SARDH: variants seen among roughly 807,000 people sequenced by gnomAD.
SARDH encodes the protein sarcosine dehydrogenase, mitochondrial.
In SARDH, 95 loss-of-function variants were observed where a neutral mutation model predicts 109.1. The observed-to-expected ratio is 0.87, with a 90% CI of 0.74 to 1.03. SARDH has a LOEUF of 1.03. Among genes scored for constraint, SARDH ranks in the 50% least tolerant of loss-of-function variants. The probability of loss-of-function intolerance (pLI) is 0.00; values close to 1 mark genes in which losing one functional copy is unlikely to be tolerated. For missense variants in SARDH, 1,267 were observed against 1,287.8 expected, an observed-to-expected ratio of 0.98 and a Z score of 0.25; for synonymous variants, 572 against 534.8, an observed-to-expected ratio of 1.07 and a Z score of -0.96.
chr9:133,670,457 G>A, intron 19 of SARDH, 127 bp downstream of exon 19: 1 of 1,072,188 alleles, frequency 9.3e-7, no homozygotes, highest in Non-Finnish European at 1.3e-6. Flanking sequence ...GGTGCGTTCT[G>A]GAAGAGCATG....
Position 133,718,812 on chromosome 9 carries a change from G to T in SARDH, c.1020+126C>A. The stretch of plus-strand genomic sequence containing the variant: ...TGGCTTTGAGCTTGGTGGGGTCAGG[G>T]GACCGGCCACTTCTCAGGTGTGCCT... On this transcript the variant is annotated intron_variant, in intron 7 of 20. Transcript: ENST00000439388. This position sits in a 1 kb window ranked among gnomAD's most constrained non-coding sequence, Gnocchi z 4.2. 2.4e-6 allele frequency: 2 copies of T among 839,328 alleles called. No individual in the cohort carries two copies. Among genetic ancestry groups the T allele is most frequent in the Non-Finnish European group, 4.2e-6 (2 of 474,016 alleles). The allele number at this position is 839,328 out of a possible 1,614,324, so 52.0% of individuals were successfully genotyped here. A position where few individuals can be genotyped will look rare whatever the true frequency, so the allele number is the denominator to read the frequency against.
chr9:133,670,644 G>A lies in SARDH; in HGVS notation c.2435C>T (p.Ala812Val). 1.3e-6 allele frequency: 2 copies of A among 1,588,426 alleles called. No individual in the cohort carries two copies. The highest frequency in any genetic ancestry group is 1.7e-6 in the Non-Finnish European group (2 of 1,168,098). ...GCCTGCGGCCCGCTGCTGCTCCAGG[G>A]CCTCCCTCCCCAGGAAGGGCACCGG... ...KSPVPFLGREALEQQRAAGLR... is the reference protein window; with the variant it reads ...KSPVPFLGREVLEQQRAAGLR... Residue 812 changes from alanine (A) to valine (V), a missense_variant, in exon 19 of 21, where the codon GCC becomes GTC. Coordinates refer to ENST00000439388, the MANE Select transcript of SARDH (RefSeq NM_001134707.2).
intron 3 of SARDH, 23 bp downstream of exon 3, chr9:133,732,394 CTCCTTG>C: frequency 7.1e-6 from 11 of 1,548,044 alleles, no homozygotes; most frequent in Non-Finnish European, 9.7e-6. Context: ...CCAAGCCCCC[CTCCTTG>C]CCCCCCGCAG....
intron 6 of SARDH, among the ~76,000 whole-genome samples, chr9:133,726,946 G>C (rs1224419317): frequency 6.6e-6 from 1 of 152,178 alleles, no homozygotes; most frequent in Non-Finnish European, 1.5e-5. Context: ...AGTAGGGATG[G>C]TTATGACCCA....
intron 17 of SARDH, among the ~76,000 whole-genome samples, chr9:133,677,276 T>A (rs1830548472): frequency 1.3e-5 from 2 of 150,894 alleles, no homozygotes; most frequent in Admixed American, 6.6e-5. Context: ...GAAACCCACA[T>A]CCTCCAGGGG....
chr9:133,717,263 A>G, intron 8 of SARDH, 63 bp downstream of exon 8: 4 of 1,596,124 alleles, frequency 2.5e-6, no homozygotes, highest in Non-Finnish European at 3.4e-6. Flanking sequence ...GGGCATCACT[A>G]CTAACAGTCA....
intron 14 of SARDH, among the ~76,000 whole-genome samples, chr9:133,695,325 C>T (rs1353540268): frequency 6.6e-6 from 1 of 152,188 alleles, no homozygotes; most frequent in African/African-American, 2.4e-5. Flanking sequence ...CGCCTGTAAT[C>T]CCAGCTACTC....
chr9:133,699,696 G>A (rs983562269), intron 13 of SARDH, among the ~76,000 whole-genome samples: 3 of 152,118 alleles, frequency 2.0e-5, no homozygotes, highest in South Asian at 4.1e-4. Flanking sequence ...CCACCAGGAT[G>A]TCTAGAATCA....
chr9:133,678,459 C>T (rs552750820), intron 17 of SARDH, among the ~76,000 whole-genome samples: 10 of 152,214 alleles, frequency 6.6e-5, no homozygotes, highest in Admixed American at 4.6e-4. Context: ...ACAGTAGAGG[C>T]CCTCTCCCCC....
downstream of SARDH, among the ~76,000 whole-genome samples, chr9:133,660,976 G>A (rs1196441724): frequency 6.6e-6 from 1 of 152,216 alleles, no homozygotes; most frequent in Non-Finnish European, 1.5e-5. Context: ...GCTGAGATGC[G>A]AGGATCACTT....
At chr9:133,663,522 A>G (rs1448629289), downstream of SARDH, 1 of 287,130 alleles carries the variant, frequency 3.5e-6, no homozygotes, top group African/African-American at 2.1e-5. Flanking sequence ...CCGATCAGTC[A>G]AGCCTGGAGT....
rs2510248 is a variant in SARDH, at chr9:133,704,852, G to A, written c.1554+96C>T. 496,720 of 1,026,834 alleles carry A rather than the reference G, an allele frequency of 0.48. 123,500 individuals are homozygous for A. Among genetic ancestry groups the A allele is most frequent in the East Asian group, 0.54 (20,360 of 38,036 alleles). The allele number at this position is 1,026,834 out of a possible 1,614,324, so 63.6% of individuals were successfully genotyped here. On this transcript the variant is annotated intron_variant, in intron 12 of 20. Transcript: ENST00000439388. The surrounding 1 kb of genome is among the most constrained non-coding windows in gnomAD (Gnocchi z 4.5). ...CGACAGTGGAACCACCTGGGGAGGC[G>A]GGGCACACGGAGGGGCAAGGACGGG...
At chr9:133,705,360 A>C (rs1831653895) in intron 11 of SARDH, among the ~76,000 whole-genome samples, 1 of 16,510 alleles carries the variant, frequency 6.1e-5, no homozygotes, top group African/African-American at 1.3e-4. Context: ...GAGAACCCCC[A>C]TCTATAGAAT....
intron 8 of SARDH, 134 bp from the exon 9 acceptor site, chr9:133,713,258 C>G (rs996648327): frequency 1.4e-6 from 1 of 689,712 alleles, no homozygotes; most frequent in Non-Finnish European, 2.4e-6. Context: ...CCTCTAGGCC[C>G]TGCTCAGCGC....
intron 17 of SARDH, among the ~76,000 whole-genome samples, chr9:133,673,053 CAG>C (rs1830402733): frequency 1.3e-5 from 2 of 152,222 alleles, no homozygotes; most frequent in South Asian, 2.1e-4. Context: ...GAGGCGGACA[CAG>C]AGGCTCCCAG....
chr9:133,689,555 C>G (rs1038288227), intron 16 of SARDH, among the ~76,000 whole-genome samples: 2 of 152,238 alleles, frequency 1.3e-5, no homozygotes, highest in Non-Finnish European at 2.9e-5. Flanking sequence ...CACTGACCAG[C>G]TGTGTGACCT....
At chr9:133,659,655 T>G (rs3025432), downstream of SARDH, among the ~76,000 whole-genome samples, 2,545 of 152,150 alleles carry the variant, frequency 0.017, 71 homozygotes, top group African/African-American at 0.056. Flanking sequence ...GGCTGCTGCT[T>G]CTGCAAGGCA....
At chr9:133,685,540 G>A (rs540757270) in intron 16 of SARDH, among the ~76,000 whole-genome samples, 24 of 152,324 alleles carry the variant, frequency 1.6e-4, no homozygotes, top group East Asian at 7.7e-4. Context: ...TAGCTCTAAC[G>A]GGACTCGCGA....
intron 1 of SARDH, among the ~76,000 whole-genome samples, chr9:133,734,811 G>A (rs1283845331): frequency 6.6e-6 from 1 of 152,212 alleles, no homozygotes; most frequent in Non-Finnish European, 1.5e-5. Context: ...GCGAGAGGCT[G>A]GGGCTGGGCG....
Sources: allele counts gnomAD v4.1 joint callset (sites outside exome capture counted in the v4.1 genomes callset), GRCh38; gene constraint gnomAD v4.1.1; non-coding constraint Gnocchi (gnomAD v3.1); transcripts MANE v1.5; gene names NCBI Gene and HGNC (gene_info 2026-07-23, HGNC 2026-07-21).